SCHIP1: variants seen among roughly 807,000 people sequenced by gnomAD.
The protein encoded by SCHIP1 is schwannomin-interacting protein 1.
In SCHIP1, 8 loss-of-function variants were observed where a neutral mutation model predicts 29.7. That is an observed-to-expected ratio of 0.27 (90% CI 0.16 to 0.49). SCHIP1 has a LOEUF of 0.49. Among genes scored for constraint, SCHIP1 ranks in the 20% least tolerant of loss-of-function variants. The pLI is 0.99. For synonymous variants in SCHIP1, 76 were observed against 94.9 expected (o/e 0.80, Z 1.16); for missense variants, 193 against 294.6 (o/e 0.66, Z 2.52).
At chr3:159,601,394 C>A in the SCHIP1 span, among the ~76,000 whole-genome samples, 8 of 152,232 alleles carry the variant, frequency 5.3e-5, no homozygotes, top group African/African-American at 1.9e-4. Context: ...GGGAGAGAAG[C>A]CCTGCTTTAG....
the SCHIP1 span, among the ~76,000 whole-genome samples, chr3:159,329,360 A>G: frequency 6.6e-6 from 1 of 152,228 alleles, no homozygotes; most frequent in Non-Finnish European, 1.5e-5. Context: ...GCTTAAAAGC[A>G]GAGAATTGAT....
chr3:159,381,695 G>A, the SCHIP1 span, among the ~76,000 whole-genome samples: 1 of 151,824 alleles, frequency 6.6e-6, no homozygotes, highest in African/African-American at 2.4e-5. Context: ...TCCTGGGTTC[G>A]AGAGATTCTT....
At chr3:159,400,453 T>C in the SCHIP1 span, among the ~76,000 whole-genome samples, 7 of 152,236 alleles carry the variant, frequency 4.6e-5, no homozygotes, top group East Asian at 3.9e-4. Flanking sequence ...ATGTATATTA[T>C]CCTAATCTCC....
chr3:159,762,524 A>G, the SCHIP1 span, among the ~76,000 whole-genome samples: 1 of 152,232 alleles, frequency 6.6e-6, no homozygotes, highest in African/African-American at 2.4e-5. Context: ...GGTCCAGGCT[A>G]GAATTCACTG....
chr3:159,757,489 C>T, the SCHIP1 span, among the ~76,000 whole-genome samples: 4 of 152,174 alleles, frequency 2.6e-5, no homozygotes, highest in Non-Finnish European at 5.9e-5. Flanking sequence ...TGGGTGGGGA[C>T]ACAGAGCTAA....
At chr3:159,529,277 C>T in the SCHIP1 span, among the ~76,000 whole-genome samples, 1 of 152,020 alleles carries the variant, frequency 6.6e-6, no homozygotes. Flanking sequence ...AACTTCTTCG[C>T]CTAGTTAACT....
At chr3:159,540,989 C>T in the SCHIP1 span, among the ~76,000 whole-genome samples, 1 of 152,014 alleles carries the variant, frequency 6.6e-6, no homozygotes, top group African/African-American at 2.4e-5. Flanking sequence ...GGAGCAATAA[C>T]AAAAAGACTC....
At chr3:159,500,338 T>C in the SCHIP1 span, among the ~76,000 whole-genome samples, 1 of 152,146 alleles carries the variant, frequency 6.6e-6, no homozygotes, top group East Asian at 1.9e-4. Context: ...ATTGTTGACA[T>C]TCCTTAAATA....
the SCHIP1 span, among the ~76,000 whole-genome samples, chr3:159,774,083 T>C: frequency 6.6e-6 from 1 of 152,214 alleles, no homozygotes; most frequent in African/African-American, 2.4e-5. Flanking sequence ...GAGCAAGAAA[T>C]AGAAAAATGA....
At chr3:159,613,981 C>T in the SCHIP1 span, among the ~76,000 whole-genome samples, 1 of 152,184 alleles carries the variant, frequency 6.6e-6, no homozygotes, top group African/African-American at 2.4e-5. Context: ...TACTGACACA[C>T]TCGCTGTTCT....
At chr3:159,386,026 C>A in the SCHIP1 span, among the ~76,000 whole-genome samples, 2 of 152,178 alleles carry the variant, frequency 1.3e-5, no homozygotes, top group Non-Finnish European at 2.9e-5. Context: ...TACATGAACT[C>A]ATCCTTTTTT....
At chr3:159,625,312 T>G in the SCHIP1 span, among the ~76,000 whole-genome samples, 3 of 152,134 alleles carry the variant, frequency 2.0e-5, no homozygotes, top group African/African-American at 7.2e-5. Context: ...ATAAATGGCA[T>G]AAAGCTTGTG....
chr3:159,713,241 A>AAGAAAGG, the SCHIP1 span, among the ~76,000 whole-genome samples: 1 of 88,032 alleles, frequency 1.1e-5, no homozygotes, highest in African/African-American at 4.9e-5. Flanking sequence ...AGGAAGAAAG[A>AAGAAAGG]AAGAAAGAAA....
the SCHIP1 span, among the ~76,000 whole-genome samples, chr3:159,581,352 G>T: frequency 6.6e-6 from 1 of 152,128 alleles, no homozygotes; most frequent in Admixed American, 6.5e-5. Context: ...ATGGGTGTGG[G>T]CACAGAAAAG....
At chr3:159,418,736 A>G in the SCHIP1 span, among the ~76,000 whole-genome samples, 1 of 152,218 alleles carries the variant, frequency 6.6e-6, no homozygotes, top group African/African-American at 2.4e-5. Flanking sequence ...GGAAATTCCC[A>G]TAAAGGACTG....
At chr3:159,645,944 ATAAGAG>A in the SCHIP1 span, among the ~76,000 whole-genome samples, 3 of 152,170 alleles carry the variant, frequency 2.0e-5, no homozygotes, top group Non-Finnish European at 2.9e-5. Flanking sequence ...TCTGTGGAAT[ATAAGAG>A]TAAATTTGTC....
the SCHIP1 span, among the ~76,000 whole-genome samples, chr3:159,757,572 G>A: frequency 1.2e-4 from 19 of 152,168 alleles, no homozygotes; most frequent in Non-Finnish European, 2.4e-4. Flanking sequence ...CCTGTCACCG[G>A]TGGTGACCCC....
At chr3:159,762,399 C>A in the SCHIP1 span, among the ~76,000 whole-genome samples, 2 of 152,170 alleles carry the variant, frequency 1.3e-5, no homozygotes, top group Non-Finnish European at 2.9e-5. Context: ...GATCTCAGCA[C>A]CACATCCCAC....
At chr3:159,858,122 G>GA (rs1485239411) in intron 1 of SCHIP1, among the ~76,000 whole-genome samples, 1 of 152,190 alleles carries the variant, frequency 6.6e-6, no homozygotes, top group African/African-American at 2.4e-5. Flanking sequence ...GAATGACTGT[G>GA]ATGGGTTTCC....
Sources: allele counts gnomAD v4.1 joint callset (sites outside exome capture counted in the v4.1 genomes callset), GRCh38; gene constraint gnomAD v4.1.1; transcripts MANE v1.5; gene names NCBI Gene and HGNC (gene_info 2026-07-23, HGNC 2026-07-21).